Variants in KPNA3 observed in about 807,000 individuals in gnomAD.
KPNA3 encodes the protein importin subunit alpha-4.
In KPNA3, 13 loss-of-function variants were observed where a neutral mutation model predicts 73.8. The observed-to-expected ratio is 0.18, with a 90% CI of 0.11 to 0.28. The LOEUF (loss-of-function observed/expected upper bound fraction) is 0.28. Among genes scored for constraint, KPNA3 ranks in the 10% least tolerant of loss-of-function variants. The probability of loss-of-function intolerance (pLI) is 1.00; values close to 1 mark genes in which losing one functional copy is unlikely to be tolerated. For missense variants in KPNA3, 360 were observed against 618.1 expected (o/e 0.58, Z 4.43); for synonymous variants, 186 against 206.9 (o/e 0.90, Z 0.87).
chr13:49,768,105 C>A (rs1954823431), intron 1 of KPNA3, among the ~76,000 whole-genome samples: 1 of 151,928 alleles, frequency 6.6e-6, no homozygotes, highest in African/African-American at 2.4e-5. Flanking sequence ...TAATGAAACC[C>A]CGTCTCTACT....
At chr13:49,771,375 C>A (rs1324387365) in intron 1 of KPNA3, among the ~76,000 whole-genome samples, 6 of 152,142 alleles carry the variant, frequency 3.9e-5, no homozygotes, top group Non-Finnish European at 7.4e-5. Flanking sequence ...ACAATGAATT[C>A]CTGATAAAGA....
chr13:49,735,807 A>G (rs1954516851), intron 2 of KPNA3, among the ~76,000 whole-genome samples: 1 of 152,148 alleles, frequency 6.6e-6, no homozygotes. Flanking sequence ...AACCACATGA[A>G]CTGCTTTGTA....
At chr13:49,745,937 C>T (rs1159314855) in intron 2 of KPNA3, among the ~76,000 whole-genome samples, 1 of 151,426 alleles carries the variant, frequency 6.6e-6, no homozygotes, top group Non-Finnish European at 1.5e-5. Context: ...GTGGTGGACG[C>T]CTGTAGTCCC....
In KPNA3 at chr13:49,706,154, G is replaced by A; in HGVS notation, c.1153C>T (p.Gln385Ter). 1 of 1,613,348 alleles carries A rather than the reference G, an allele frequency of 6.2e-7. No homozygotes were observed. The highest frequency in any genetic ancestry group is 8.5e-7 in the Non-Finnish European group (1 of 1,179,808). Residue 385 changes from glutamine to a stop codon, truncating the protein, a stop_gained, in exon 14 of 17, where the codon CAA (glutamine) becomes TAA (stop). Coordinates refer to ENST00000261667, the MANE Select transcript of KPNA3 (RefSeq NM_002267.4). LOFTEE classifies it high-confidence loss of function. ...HQLAKGDFGTQKEAAWAISNL... is the reference protein window; with the variant it reads ...HQLAKGDFGT Reference sequence around the variant, plus strand: ...CTGATTGCCCAAGCAGCTTCTTTTTGTGTTCCAAAGTCCCCCTGAAGGTTA... The same window carrying A: ...CTGATTGCCCAAGCAGCTTCTTTTTATGTTCCAAAGTCCCCCTGAAGGTTA...
At chr13:49,776,784 T>C (rs919738285) in intron 1 of KPNA3, among the ~76,000 whole-genome samples, 4 of 152,182 alleles carry the variant, frequency 2.6e-5, no homozygotes, top group African/African-American at 9.7e-5. Context: ...AACTAAAATT[T>C]ATTTATGCAT....
chr13:49,719,459 GA>G (rs1490262183), intron 10 of KPNA3, among the ~76,000 whole-genome samples: 5 of 152,010 alleles, frequency 3.3e-5, no homozygotes, highest in Non-Finnish European at 7.4e-5. Flanking sequence ...GAACCAGTGA[GA>G]TTTTTTTTAA....
At chr13:49,736,124 TAG>T (rs1954519219) in intron 2 of KPNA3, among the ~76,000 whole-genome samples, 1 of 152,200 alleles carries the variant, frequency 6.6e-6, no homozygotes, top group Non-Finnish European at 1.5e-5. Context: ...TCATCTAGTT[TAG>T]GTTTTAGTTC....
In KPNA3 at chr13:49,732,375, C is replaced by T. The variant is rs750951118; in HGVS notation, c.379G>A (p.Asp127Asn). ...PILVKCLERDDNPSLQFEAAW... is the reference protein window; with the variant it reads ...PILVKCLERDNNPSLQFEAAW... ...GGGAGTAAAATCCATACTTACTTAT[C>T]ATCCCTTTCTAGACATTTGACTAGA... The change falls in exon 6 of 17, where the codon GAT (aspartate) becomes AAT (asparagine). Residue 127 changes from aspartate to asparagine, a missense_variant. Physicochemically the swap from Asp to Asn is conservative, Grantham distance 23 (BLOSUM62 1). This residue lies in a region of KPNA3 where 287 missense variants were observed against 549.1 expected (regional missense o/e 0.52). Coordinates refer to ENST00000261667, the MANE Select transcript of KPNA3 (RefSeq NM_002267.4). The T allele has an allele frequency of 2.0e-6, 3 of 1,512,742 alleles. No homozygotes were observed. The highest frequency in any genetic ancestry group is 1.8e-5 in the Admixed American group (1 of 54,358). The allele number at this position is 1,512,742 out of a possible 1,614,324, so 93.7% of individuals were successfully genotyped here.
At chr13:49,735,401 C>T (rs911801244) in intron 2 of KPNA3, among the ~76,000 whole-genome samples, 3 of 152,092 alleles carry the variant, frequency 2.0e-5, no homozygotes, top group Non-Finnish European at 2.9e-5. Context: ...GGGTTACAGT[C>T]GTGAGCCACC....
intron 2 of KPNA3, among the ~76,000 whole-genome samples, chr13:49,738,879 A>T (rs1018476385): frequency 3.3e-5 from 5 of 152,178 alleles, no homozygotes; most frequent in Non-Finnish European, 5.9e-5. Flanking sequence ...ACTGAATAAG[A>T]GCAGTTATGA....
intron 2 of KPNA3, among the ~76,000 whole-genome samples, chr13:49,740,974 G>A (rs776664558): frequency 7.2e-5 from 11 of 152,088 alleles, no homozygotes; most frequent in Non-Finnish European, 1.5e-5. Flanking sequence ...GCAAAAGAGA[G>A]GGTTTCTTTC....
At chr13:49,765,784 G>T (rs1182419931) in intron 1 of KPNA3, among the ~76,000 whole-genome samples, 2 of 152,184 alleles carry the variant, frequency 1.3e-5, no homozygotes, top group East Asian at 3.8e-4. Context: ...TCAGATGTCA[G>T]ACGTCAATCA....
At chr13:49,780,412 AAT>A (rs1325626166) in intron 1 of KPNA3, among the ~76,000 whole-genome samples, 1 of 152,090 alleles carries the variant, frequency 6.6e-6, no homozygotes, top group Non-Finnish European at 1.5e-5. Flanking sequence ...GATTAGTCCT[AAT>A]AACTTTTTCT....
At chr13:49,769,985 A>G (rs1230169642) in intron 1 of KPNA3, among the ~76,000 whole-genome samples, 1 of 152,166 alleles carries the variant, frequency 6.6e-6, no homozygotes, top group Non-Finnish European at 1.5e-5. Context: ...CTAATGACTA[A>G]TAACATTAAG....
Position 49,725,370 on chromosome 13 carries a change from C to T in KPNA3, c.469+46G>A, listed in dbSNP as rs767470610. 6.0e-5 allele frequency: 64 copies of T among 1,073,438 alleles called. 1 individual carries two copies. The South Asian group carries it at 9.3e-4, about 16-fold the overall frequency. 66.5% of individuals were successfully genotyped at this position (1,073,438 alleles called of 1,614,324 possible). A position where few individuals can be genotyped will look rare whatever the true frequency, so the allele number is the denominator to read the frequency against. ...TTTATTACAAAACTCTACTTCCTTG[C>T]CATCATTAAAACACAAAAAGTTCAG... On this transcript the variant is annotated intron_variant, in intron 7 of 16. Coordinates refer to ENST00000261667, the MANE Select transcript of KPNA3 (RefSeq NM_002267.4).
chr13:49,782,002 A>G (rs1479284571), intron 1 of KPNA3, among the ~76,000 whole-genome samples: 1 of 149,564 alleles, frequency 6.7e-6, no homozygotes, highest in African/African-American at 2.6e-5. Flanking sequence ...TTACCTTCAC[A>G]GTACTTCTGT....
At chr13:49,752,968 G>C (rs185729109) in intron 1 of KPNA3, among the ~76,000 whole-genome samples, 2 of 147,300 alleles carry the variant, frequency 1.4e-5, no homozygotes, top group South Asian at 2.2e-4. Context: ...TGGAGCTTGC[G>C]GTGAGCCGAG....
At chr13:49,761,755 A>C (rs1317354477) in intron 1 of KPNA3, among the ~76,000 whole-genome samples, 2 of 150,328 alleles carry the variant, frequency 1.3e-5, no homozygotes, top group Non-Finnish European at 2.9e-5. Context: ...GGAAGTGAGG[A>C]GCGCCTCTTC....
At chr13:49,716,440 TTTAA>T (rs951383243) in intron 10 of KPNA3, among the ~76,000 whole-genome samples, 2 of 151,924 alleles carry the variant, frequency 1.3e-5, no homozygotes, top group Admixed American at 6.6e-5. Context: ...TTTAATTTTA[TTTAA>T]TTATTTTTTT....
Sources: allele counts gnomAD v4.1 joint callset (sites outside exome capture counted in the v4.1 genomes callset), GRCh38; gene constraint gnomAD v4.1.1; regional missense constraint gnomAD v4.1.1; transcripts MANE v1.5; gene names NCBI Gene and HGNC (gene_info 2026-07-23, HGNC 2026-07-21).